Variants in SASS6 observed in about 807,000 individuals in gnomAD.
The protein encoded by SASS6 is spindle assembly abnormal protein 6 homolog.
Under a neutral mutation model 94.9 loss-of-function variants are expected in SASS6, and 59 were observed. The observed-to-expected ratio is 0.62, with a 90% CI of 0.50 to 0.77. The LOEUF (loss-of-function observed/expected upper bound fraction) is 0.77, where lower values mean the gene tolerates loss of function less well. Ranked by LOEUF, SASS6 falls within the 30% of genes least tolerant of loss-of-function variation. The pLI is 0.00. For missense variants in SASS6, 698 were observed against 734.1 expected, an observed-to-expected ratio of 0.95 and a Z score of 0.57; for synonymous variants, 264 against 270.0, an observed-to-expected ratio of 0.98 and a Z score of 0.22.
chr1:100,085,746 C>CT (rs1651201041), intron 15 of SASS6, 116 bp from the exon 16 acceptor site: 1 of 632,062 alleles, frequency 1.6e-6, no homozygotes, highest in Admixed American at 3.0e-5. Flanking sequence ...TATAGCTTAG[C>CT]TTTGTTCAGA....
chr1:100,122,549 C>CTTTTTTTTTTTTTTTTTTTTTTTTTTT (rs71075469), intron 3 of SASS6, 65 bp from the exon 4 acceptor site: 1 of 212,116 alleles, frequency 4.7e-6, no homozygotes, highest in Non-Finnish European at 8.2e-6. Context: ...GTTTTGGTGC[C>CTTTTTTTTTTTTTTTTTTTTTTTTTTT]TTTTTTTTTT....
rs1655196059 is a variant in SASS6, at chr1:100,132,876, C to G, written c.-62G>C. On this transcript the variant is annotated 5_prime_UTR_variant, in exon 1 of 17. Coordinates refer to ENST00000287482, the MANE Select transcript of SASS6 (RefSeq NM_194292.3). The stretch of plus-strand genomic sequence containing the variant: ...CAACAGGCCCGGCCCTCGGGATTAG[C>G]CTGAGAGGTCCGGGTCCTGATAAAG... 2.1e-6 allele frequency: 3 copies of G among 1,447,914 alleles called. No individual in the cohort carries two copies. The Admixed American group carries it at 5.1e-5, about 25-fold the overall frequency. 89.7% of individuals were successfully genotyped at this position (1,447,914 alleles called of 1,614,324 possible).
At chr1:100,090,561 G>C (rs959871630) in intron 14 of SASS6, among the ~76,000 whole-genome samples, 1 of 152,146 alleles carries the variant, frequency 6.6e-6, no homozygotes, top group Non-Finnish European at 1.5e-5. Context: ...AATGGTGACA[G>C]CAACAGTGGC....
chr1:100,100,131 T>C (rs941149548), intron 14 of SASS6, among the ~76,000 whole-genome samples: 2 of 152,032 alleles, frequency 1.3e-5, no homozygotes, highest in African/African-American at 4.8e-5. Flanking sequence ...CCAGGTGTGG[T>C]GCTGCACACC....
At chr1:100,106,287 GTTA>G (rs1652900223) in intron 12 of SASS6, among the ~76,000 whole-genome samples, 1 of 151,864 alleles carries the variant, frequency 6.6e-6, no homozygotes. Flanking sequence ...AATTCATATT[GTTA>G]TTATTAGGTA....
At chr1:100,086,142 C>T (rs1651234079) in intron 15 of SASS6, among the ~76,000 whole-genome samples, 2 of 144,902 alleles carry the variant, frequency 1.4e-5, no homozygotes, top group Admixed American at 6.8e-5. Context: ...TCTGTGTTTC[C>T]CCTTTCTACC....
intron 1 of SASS6, among the ~76,000 whole-genome samples, chr1:100,130,394 G>T (rs558603750): frequency 6.6e-6 from 1 of 152,160 alleles, no homozygotes. Flanking sequence ...CAACCAAGGC[G>T]TCTGGGCTGG....
intron 1 of SASS6, among the ~76,000 whole-genome samples, chr1:100,127,948 C>T (rs544125783): frequency 2.0e-5 from 3 of 152,260 alleles, no homozygotes; most frequent in Admixed American, 2.0e-4. Flanking sequence ...CTGAAGTTTT[C>T]TCTAGTATAA....
intron 14 of SASS6, among the ~76,000 whole-genome samples, chr1:100,101,333 G>GTT (rs574489210): frequency 9.6e-5 from 14 of 145,850 alleles, no homozygotes; most frequent in African/African-American, 1.7e-4. Flanking sequence ...CTGTTTTAGG[G>GTT]TTTTTTTTTT....
intron 7 of SASS6, among the ~76,000 whole-genome samples, chr1:100,116,339 T>C (rs1183107521): frequency 6.6e-6 from 1 of 152,162 alleles, no homozygotes; most frequent in African/African-American, 2.4e-5. Flanking sequence ...ACAACTTGAA[T>C]GGGCACTTGA....
At chr1:100,123,059 A>C in intron 3 of SASS6, 151 bp downstream of exon 3, 1 of 433,140 alleles carries the variant, frequency 2.3e-6, no homozygotes, top group Non-Finnish European at 4.2e-6. Flanking sequence ...TTATTTTCCA[A>C]AACACCCTAA....
chr1:100,098,796 C>T (rs1199391774), intron 14 of SASS6, among the ~76,000 whole-genome samples: 1 of 152,112 alleles, frequency 6.6e-6, no homozygotes, highest in Non-Finnish European at 1.5e-5. Context: ...TTACCTATTC[C>T]ATAATACCAT....
At chr1:100,115,048 A>G (rs1557890491) in intron 7 of SASS6, among the ~76,000 whole-genome samples, 1 of 152,190 alleles carries the variant, frequency 6.6e-6, no homozygotes, top group Non-Finnish European at 1.5e-5. Context: ...TTACCAAAAA[A>G]GACTGGAAAA....
At chr1:100,115,634 C>T (rs370394587) in intron 7 of SASS6, among the ~76,000 whole-genome samples, 32 of 152,208 alleles carry the variant, frequency 2.1e-4, no homozygotes, top group African/African-American at 7.0e-4. Flanking sequence ...TCAAGACCAG[C>T]GTGGGCAACA....
At chr1:100,088,052 G>T in intron 15 of SASS6, 87 bp downstream of exon 15, 2 of 629,944 alleles carry the variant, frequency 3.2e-6, no homozygotes, top group South Asian at 2.0e-5. Flanking sequence ...AAACAGGTGG[G>T]CATCACAGCT....
rs1653042390 is a variant in SASS6, at chr1:100,108,022, A to G, written c.862-18T>C. 4 of 1,520,938 alleles carry G rather than the reference A, an allele frequency of 2.6e-6. No individual in the cohort carries two copies. In the South Asian group the frequency reaches 4.9e-5, roughly 19 times the overall value. The allele number at this position is 1,520,938 out of a possible 1,614,324, so 94.2% of individuals were successfully genotyped here. A position where few individuals can be genotyped will look rare whatever the true frequency, so the allele number is the denominator to read the frequency against. ...TGTAGCTCCTAGAATGGGAAAAGAA[A>G]GAAATTAAGCATTATGAAAAAAGGA... On this transcript the variant is annotated intron_variant, in intron 8 of 16. Coordinates refer to ENST00000287482, the MANE Select transcript of SASS6 (RefSeq NM_194292.3).
chr1:100,121,350 A>G (rs774346738), intron 5 of SASS6, 28 bp downstream of exon 5: 2 of 1,391,908 alleles, frequency 1.4e-6, no homozygotes, highest in South Asian at 2.6e-5. Flanking sequence ...TTATTTTGTT[A>G]AAAGAATAAC....
intron 14 of SASS6, among the ~76,000 whole-genome samples, chr1:100,091,474 T>C (rs1193892186): frequency 3.3e-5 from 5 of 151,518 alleles, no homozygotes; most frequent in East Asian, 3.9e-4. Flanking sequence ...AATAGAGTAC[T>C]AGGGAAATGT....
At chr1:100,087,608 G>A (rs1331984028) in intron 15 of SASS6, among the ~76,000 whole-genome samples, 1 of 152,116 alleles carries the variant, frequency 6.6e-6, no homozygotes, top group African/African-American at 2.4e-5. Context: ...AATGGAAGTC[G>A]CAAAATGGCA....
Sources: gnomAD v4.1 joint callset for allele counts (sites outside exome capture counted in the v4.1 genomes callset) on GRCh38, gnomAD v4.1.1 for gene constraint, MANE v1.5 for transcripts, NCBI Gene and HGNC (gene_info 2026-07-23, HGNC 2026-07-21) for gene names.